Variants in HEPH observed in about 807,000 individuals in gnomAD.
HEPH encodes the protein hephaestin.
A neutral mutation model predicts 80.8 loss-of-function variants in HEPH; 69 were observed. That is an observed-to-expected ratio of 0.85 (90% CI 0.70 to 1.04). The LOEUF (loss-of-function observed/expected upper bound fraction) is 1.04. HEPH is among the 50% of genes least tolerant of loss of function. The pLI is 0.00. For synonymous variants in HEPH, 431 were observed against 322.8 expected, an observed-to-expected ratio of 1.34 and a Z score of -3.60; for missense variants, 1,115 against 891.3, an observed-to-expected ratio of 1.25 and a Z score of -3.20.
chrX:66,167,647 G>A (rs1234795553), intron 1 of HEPH, among the ~76,000 whole-genome samples: 3 of 112,127 alleles, frequency 2.7e-5, no homozygotes, highest in Non-Finnish European at 5.6e-5. Context: ...GCTATGTGTA[G>A]GTGTATGTGA....
At chrX:66,258,082 C>G (rs759675657) in intron 17 of HEPH, among the ~76,000 whole-genome samples, 195 of 111,802 alleles carry the variant, frequency 1.7e-3, no homozygotes, top group African/African-American at 6.0e-3. Flanking sequence ...GCTCAGCTGT[C>G]TACTGGGTGT....
intron 4 of HEPH, among the ~76,000 whole-genome samples, chrX:66,174,432 C>A (rs773899193): frequency 8.9e-6 from 1 of 112,010 alleles, no homozygotes; most frequent in Non-Finnish European, 1.9e-5. Context: ...TGAGTTGGTT[C>A]CATGATTTTG....
intron 17 of HEPH, among the ~76,000 whole-genome samples, chrX:66,256,769 G>A (rs770594269): frequency 1.8e-5 from 2 of 112,036 alleles, no homozygotes; most frequent in South Asian, 7.5e-4. Context: ...ACAGCCAGAT[G>A]AAAGCTTGTA....
At chrX:66,251,791 C>A (rs1343910908) in intron 15 of HEPH, among the ~76,000 whole-genome samples, 1 of 111,371 alleles carries the variant, frequency 9.0e-6, no homozygotes, top group African/African-American at 3.3e-5. Context: ...GTGGCTGTAG[C>A]ATACTGAGAA....
At chrX:66,216,531 A>T (rs2089405952) in intron 15 of HEPH, among the ~76,000 whole-genome samples, 1 of 112,068 alleles carries the variant, frequency 8.9e-6, no homozygotes, top group Admixed American at 9.4e-5. Flanking sequence ...AGAGCACCAC[A>T]TCCAGGGAGC....
At chrX:66,192,032 G>A in intron 6 of HEPH, 98 bp from the exon 7 acceptor site, 1 of 834,052 alleles carries the variant, frequency 1.2e-6, no homozygotes, top group Non-Finnish European at 1.7e-6. Context: ...AGTAGTGGAG[G>A]GTGGGTGGAG....
chrX:66,245,382 A>G (rs918725330), intron 15 of HEPH, among the ~76,000 whole-genome samples: 2 of 111,916 alleles, frequency 1.8e-5, no homozygotes, highest in African/African-American at 6.5e-5. Flanking sequence ...AGAGAAAAAG[A>G]AGGCCATTAC....
chrX:66,260,769 CT>C (rs751306511), intron 19 of HEPH, among the ~76,000 whole-genome samples: 84 of 104,203 alleles, frequency 8.1e-4, no homozygotes, highest in Admixed American at 3.0e-3. Flanking sequence ...TTCTTTTTTT[CT>C]TTTTTTTTTT....
chrX:66,204,922 T>A (rs893705615), intron 13 of HEPH, among the ~76,000 whole-genome samples: 3 of 112,011 alleles, frequency 2.7e-5, no homozygotes, highest in Admixed American at 9.5e-5. Flanking sequence ...TTTTTAATAA[T>A]TTGGACTTTT....
intron 16 of HEPH, 117 bp downstream of exon 16, chrX:66,255,258 A>C (rs545999855): frequency 7.1e-6 from 3 of 419,756 alleles, no homozygotes; most frequent in Non-Finnish European, 8.3e-6. Flanking sequence ...TTTGGGGAAC[A>C]TTCTTCAAAA....
chrX:66,255,514 G>A (rs182888881), intron 16 of HEPH, among the ~76,000 whole-genome samples: 61 of 111,963 alleles, frequency 5.4e-4, no homozygotes, highest in African/African-American at 1.6e-3. Flanking sequence ...CCTTAAATAA[G>A]TCATTCTGCC....
At chrX:66,177,497 G>A (rs2086862394) in intron 4 of HEPH, among the ~76,000 whole-genome samples, 1 of 111,830 alleles carries the variant, frequency 8.9e-6, no homozygotes, top group East Asian at 2.8e-4. Flanking sequence ...TAGGTTTCTA[G>A]TTTATGTGCA....
intron 19 of HEPH, 103 bp downstream of exon 19, chrX:66,260,365 A>T (rs1418535353): frequency 3.1e-6 from 2 of 642,907 alleles, no homozygotes; most frequent in East Asian, 3.4e-5. Context: ...TTCTGATCCC[A>T]CAATAAGCAG....
At chrX:66,264,874 ATATT>A (rs1294285780) in intron 20 of HEPH, among the ~76,000 whole-genome samples, 19 of 106,310 alleles carry the variant, frequency 1.8e-4, no homozygotes, top group Non-Finnish European at 3.3e-4. Context: ...TATTATATAT[ATATT>A]TGTGTTCACA....
rs5902598 is a variant in HEPH, at chrX:66,261,538, G to GT, written c.3199+1292dup. ...TGGGACCCATACAAATCAAGGCTGT[G>GT]TTTTTTTTTTTTTTTTCTATGCTTT... On this transcript the variant is annotated intron_variant, in intron 19 of 20. Coordinates refer to ENST00000343002, the MANE Select transcript of HEPH (RefSeq NM_001367233.3). 7.0e-3 allele frequency among the ~76,000 whole-genome samples: 639 copies of GT among 91,612 alleles called. 4 individuals carry two copies. Among genetic ancestry groups the GT allele is most frequent in the Middle Eastern group, 0.017 (3 of 174 alleles). The allele number at this position is 91,612 out of a possible 115,157, so 79.6% of individuals were successfully genotyped here.
In HEPH at chrX:66,204,909, G is replaced by GT. The variant is rs779861162; in HGVS notation, c.2291+1339dup. Among the ~76,000 whole-genome samples, 14 of 111,559 alleles carry GT rather than the reference G, an allele frequency of 1.3e-4. No individual in the cohort carries two copies. The East Asian group carries it at 1.4e-3, about 11-fold the overall frequency. ...TTCAGGTAGGGCCCAAGTGAGAATG[G>GT]TTTTTTTAATAATTTGGACTTTTAT... On this transcript the variant is annotated intron_variant, in intron 13 of 20. Transcript: ENST00000343002.
intron 15 of HEPH, among the ~76,000 whole-genome samples, chrX:66,215,319 A>T (rs2089338951): frequency 9.1e-6 from 1 of 110,447 alleles, no homozygotes; most frequent in Non-Finnish European, 1.9e-5. Context: ...TATTAGTTTT[A>T]CTAGTTTGTT....
chrX:66,198,124 T>C (rs976965387), intron 10 of HEPH, among the ~76,000 whole-genome samples: 1 of 110,998 alleles, frequency 9.0e-6, no homozygotes, highest in Non-Finnish European at 1.9e-5. Context: ...CATGATATCC[T>C]TTCATCATCT....
chrX:66,186,363 G>A (rs1331113962), intron 4 of HEPH, among the ~76,000 whole-genome samples: 1 of 109,926 alleles, frequency 9.1e-6, no homozygotes, highest in Non-Finnish European at 1.9e-5. Context: ...AGATTCCGTG[G>A]GCGTAGGACC....
Sources: allele counts gnomAD v4.1 joint callset (sites outside exome capture counted in the v4.1 genomes callset), GRCh38; gene constraint gnomAD v4.1.1; transcripts MANE v1.5; gene names NCBI Gene and HGNC (gene_info 2026-07-23, HGNC 2026-07-21).